ABLIM2: variants seen among roughly 807,000 people sequenced by gnomAD.
ABLIM2 encodes the protein actin binding LIM protein family member 2, also known as actin-binding LIM protein 2.
In ABLIM2, 53 loss-of-function variants were observed where a neutral mutation model predicts 97.7. The ratio of observed to expected loss-of-function variants is 0.54; its 90% CI spans 0.44 to 0.68. The LOEUF is 0.68. Among genes scored for constraint, ABLIM2 ranks in the 30% least tolerant of loss-of-function variants. ABLIM2 has a pLI of 0.00. For missense variants in ABLIM2, 835 were observed against 867.2 expected (o/e 0.96, Z 0.47); for synonymous variants, 361 against 345.8 (o/e 1.04, Z -0.49).
intron 8 of ABLIM2, among the ~76,000 whole-genome samples, chr4:8,050,313 C>G (rs1250495219): frequency 6.6e-6 from 1 of 152,196 alleles, no homozygotes; most frequent in Non-Finnish European, 1.5e-5. Flanking sequence ...GAGCTCCCAT[C>G]CCCATGGTGC....
In ABLIM2 at chr4:7,992,923, G is replaced by T. The variant is rs1490443649; in HGVS notation, c.1623C>A (p.Phe541Leu). 2 of 1,612,782 alleles carry T rather than the reference G, an allele frequency of 1.2e-6. No individual in the cohort carries two copies. The highest frequency in any genetic ancestry group is 1.7e-5 in the Admixed American group (1 of 59,914). The change falls in exon 17 of 21, where the codon TTC becomes TTA. Residue 541 changes from phenylalanine to leucine, a missense_variant. By Grantham distance (22) the Phe-to-Leu change is conservative. Transcript: ENST00000447017. This position sits in a 1 kb window ranked among gnomAD's most constrained non-coding sequence, Gnocchi z 5.7. The part of the protein sequence containing the change: ...RMAGDSFHSR[F>L]PYSKSDPLPG... The stretch of plus-strand genomic sequence containing the variant: ...GGAGAGGGTCAGATTTGGAATAGGG[G>T]AATCCTGAAACAGACACAGCACAGC...
At chr4:8,039,256 C>T (rs929553332) in intron 9 of ABLIM2, among the ~76,000 whole-genome samples, 3 of 152,136 alleles carry the variant, frequency 2.0e-5, no homozygotes, top group Non-Finnish European at 4.4e-5. Context: ...TCCTCCCTTC[C>T]CCACCTCCGT....
intron 4 of ABLIM2, among the ~76,000 whole-genome samples, chr4:8,081,783 C>G (rs2152454489): frequency 6.6e-6 from 1 of 152,282 alleles, no homozygotes; most frequent in Middle Eastern, 3.4e-3. Context: ...GGGAAAGGGC[C>G]TCTCACAAGG....
intron 1 of ABLIM2, among the ~76,000 whole-genome samples, chr4:8,129,785 G>C (rs1252544941): frequency 1.3e-5 from 2 of 152,202 alleles, no homozygotes; most frequent in East Asian, 3.8e-4. Flanking sequence ...CTGGCGTTGA[G>C]AAGTGTCAGG....
chr4:8,024,709 G>C (rs1393399542), intron 12 of ABLIM2, among the ~76,000 whole-genome samples: 1 of 152,226 alleles, frequency 6.6e-6, no homozygotes, highest in Non-Finnish European at 1.5e-5. Flanking sequence ...CGGGACCCCG[G>C]GTAGAAGCCT....
intron 3 of ABLIM2, among the ~76,000 whole-genome samples, chr4:8,089,647 A>G (rs535945742): frequency 6.7e-6 from 1 of 148,860 alleles, no homozygotes; most frequent in South Asian, 2.2e-4. Context: ...AGGCAGGACA[A>G]TCGCTTGAAC....
At chr4:8,006,845 G>T (rs1761706222) in intron 16 of ABLIM2, among the ~76,000 whole-genome samples, 2 of 152,108 alleles carry the variant, frequency 1.3e-5, no homozygotes, top group East Asian at 1.9e-4. Flanking sequence ...TGCCATCTGG[G>T]GTGAACCCCT....
Position 8,005,377 on chromosome 4 carries a change from G to C in ABLIM2, c.1618+2682C>G, listed in dbSNP as rs188573591. On this transcript the variant is annotated intron_variant, in intron 16 of 20. Coordinates refer to ENST00000447017, the MANE Select transcript of ABLIM2 (RefSeq NM_001130083.2). This position sits in a 1 kb window ranked among gnomAD's most constrained non-coding sequence, Gnocchi z 4.9. ...AACAGACATTTATTGAGTGCCCACTGTGTTGGGTGTCACAATCCTACCTTC... is the reference window on the plus strand; with the variant it reads ...AACAGACATTTATTGAGTGCCCACTCTGTTGGGTGTCACAATCCTACCTTC... 1 of 533,806 alleles carries C rather than the reference G, an allele frequency of 1.9e-6. No individual in the cohort carries two copies. The highest frequency in any genetic ancestry group is 3.8e-6 in the Non-Finnish European group (1 of 259,982). 33.1% of individuals were successfully genotyped at this position (533,806 alleles called of 1,614,324 possible). A position where few individuals can be genotyped will look rare whatever the true frequency, so the allele number is the denominator to read the frequency against.
At chr4:8,109,583 T>A (rs1424425349) in intron 1 of ABLIM2, among the ~76,000 whole-genome samples, 1 of 152,050 alleles carries the variant, frequency 6.6e-6, no homozygotes, top group Non-Finnish European at 1.5e-5. Context: ...CATCCTCGCC[T>A]AGGGTCCCTG....
At chr4:8,093,938 G>T (rs10938686) in intron 3 of ABLIM2, among the ~76,000 whole-genome samples, 65,231 of 151,966 alleles carry the variant, frequency 0.43, 15,773 homozygotes, top group African/African-American at 0.67. Context: ...TTAAACACTT[G>T]TTGGTCTCCC....
Position 8,019,479 on chromosome 4 carries a change from T to C in ABLIM2, c.1423+139A>G, listed in dbSNP as rs1396859549. ...CGGGAGGCTGCTAGTGAATTTGCAT[T>C]TAATAGTCAGACTGCTAAGGGCCTT... On this transcript the variant is annotated intron_variant, in intron 14 of 20. Transcript: ENST00000447017. The surrounding 1 kb of genome is among the most constrained non-coding windows in gnomAD (Gnocchi z 4.3). 5.5e-6 allele frequency: 4 copies of C among 726,036 alleles called. No homozygotes were observed. The highest frequency in any genetic ancestry group is 8.8e-6 in the Non-Finnish European group (4 of 455,814). The allele number at this position is 726,036 out of a possible 1,614,324, so 45.0% of individuals were successfully genotyped here.
intron 9 of ABLIM2, among the ~76,000 whole-genome samples, chr4:8,037,005 C>T (rs1224897719): frequency 6.6e-6 from 1 of 152,206 alleles, no homozygotes; most frequent in South Asian, 2.1e-4. Context: ...AGCCTGTGCA[C>T]ATCCTCCCAT....
chr4:8,024,419 G>C (rs924823189), intron 12 of ABLIM2, among the ~76,000 whole-genome samples: 1 of 152,200 alleles, frequency 6.6e-6, no homozygotes, highest in African/African-American at 2.4e-5. Flanking sequence ...GTGGGGGGTG[G>C]GGCCAGGCCT....
chr4:8,024,570 C>A lies in ABLIM2; in HGVS notation c.1267+3189G>T, dbSNP rs147515910. ...GCGACGCTGCCTGGTGTCCAGCTGA[C>A]CCCTGGGGGCTGCCACCAAGAGGTC... On this transcript the variant is annotated intron_variant, in intron 12 of 20. Coordinates refer to ENST00000447017, the MANE Select transcript of ABLIM2 (RefSeq NM_001130083.2). Among the ~76,000 whole-genome samples, 1,024 of 152,320 alleles carry A rather than the reference C, an allele frequency of 6.7e-3. 9 individuals carry two copies. The highest frequency in any genetic ancestry group is 0.023 in the African/African-American group (944 of 41,564).
At chr4:8,031,673 G>GA (rs1212890437) in intron 10 of ABLIM2, among the ~76,000 whole-genome samples, 1 of 152,092 alleles carries the variant, frequency 6.6e-6, no homozygotes, top group Non-Finnish European at 1.5e-5. Context: ...GTAACCTGGG[G>GA]AAAATCACAG....
chr4:8,049,763 C>G (rs1179355088), intron 8 of ABLIM2, among the ~76,000 whole-genome samples: 4 of 152,194 alleles, frequency 2.6e-5, no homozygotes, highest in Non-Finnish European at 5.9e-5. Flanking sequence ...GGGTCTCACT[C>G]TGTTGCCCAG....
chr4:8,079,237 T>A (rs1267009660), intron 5 of ABLIM2, among the ~76,000 whole-genome samples: 1 of 152,210 alleles, frequency 6.6e-6, no homozygotes, highest in Non-Finnish European at 1.5e-5. Flanking sequence ...ACTCCCGTAA[T>A]AACCCACAAA....
intron 20 of ABLIM2, among the ~76,000 whole-genome samples, chr4:7,971,197 G>T (rs1388793664): frequency 1.3e-5 from 2 of 152,176 alleles, no homozygotes; most frequent in Admixed American, 1.3e-4. Context: ...AGGGCCAGAG[G>T]CAGGCAGGCT....
At chr4:8,051,591 A>G (rs1796114975) in intron 8 of ABLIM2, among the ~76,000 whole-genome samples, 1 of 151,678 alleles carries the variant, frequency 6.6e-6, no homozygotes, top group Admixed American at 6.6e-5. Context: ...AAAAGAAAAG[A>G]AATTATTTTA....
Sources: gnomAD v4.1 joint callset for allele counts (sites outside exome capture counted in the v4.1 genomes callset) on GRCh38, gnomAD v4.1.1 for gene constraint, Gnocchi (gnomAD v3.1) non-coding constraint, MANE v1.5 for transcripts, NCBI Gene and HGNC (gene_info 2026-07-23, HGNC 2026-07-21) for gene names.